The following SOX5 variants were observed in gnomAD, a reference collection of about 807,000 sequenced individuals.
SOX5 encodes the protein SRY-box transcription factor 5.
Under a neutral mutation model 92.0 loss-of-function variants are expected in SOX5, and 9 were observed. The observed-to-expected ratio is 0.10, with a 90% CI of 0.06 to 0.17. The LOEUF (loss-of-function observed/expected upper bound fraction) is 0.17, where lower values mean the gene tolerates loss of function less well. SOX5 is among the 10% of genes least tolerant of loss of function. The pLI is 1.00. For synonymous variants in SOX5, 344 were observed against 336.3 expected, an observed-to-expected ratio of 1.02 and a Z score of -0.25; for missense variants, 642 against 944.5, an observed-to-expected ratio of 0.68 and a Z score of 4.20.
chr12:23,829,723 GACAA>G (rs2096284606), intron 3 of SOX5, among the ~76,000 whole-genome samples: 1 of 152,104 alleles, frequency 6.6e-6, no homozygotes, highest in Admixed American at 6.6e-5. Flanking sequence ...CCTGATAGTA[GACAA>G]ACTAATGTAT....
chr12:24,537,311 C>T (rs1174170311), intron 1 of SOX5, among the ~76,000 whole-genome samples: 1 of 152,126 alleles, frequency 6.6e-6, no homozygotes, highest in African/African-American at 2.4e-5. Flanking sequence ...GGATCCTAGC[C>T]AAATTTCATA....
chr12:24,266,240 T>C (rs1943007895), intron 3 of SOX5, among the ~76,000 whole-genome samples: 1 of 151,956 alleles, frequency 6.6e-6, no homozygotes, highest in African/African-American at 2.4e-5. Flanking sequence ...AATAAACAGG[T>C]TTTCAGTTTT....
At chr12:23,845,038 C>G (rs1568284368) in intron 3 of SOX5, among the ~76,000 whole-genome samples, 1 of 152,224 alleles carries the variant, frequency 6.6e-6, no homozygotes, top group Non-Finnish European at 1.5e-5. Context: ...TTAATTGTCA[C>G]ATGGCTGTCA....
chr12:24,164,564 TG>T (rs1953164196), intron 4 of SOX5, among the ~76,000 whole-genome samples: 1 of 152,098 alleles, frequency 6.6e-6, no homozygotes, highest in Admixed American at 6.6e-5. Context: ...CTAATCACTC[TG>T]GTGTCCCTGA....
At chr12:23,739,644 C>T (rs1161640532) in intron 5 of SOX5, among the ~76,000 whole-genome samples, 1 of 152,134 alleles carries the variant, frequency 6.6e-6, no homozygotes, top group African/African-American at 2.4e-5. Flanking sequence ...CAAAGATCTA[C>T]CCTTAGTTCC....
intron 11 of SOX5, among the ~76,000 whole-genome samples, chr12:23,555,343 G>A (rs1030771811): frequency 6.6e-6 from 1 of 151,880 alleles, no homozygotes; most frequent in South Asian, 2.1e-4. Context: ...GCCCAATTTG[G>A]CATGCCCTAT....
At chr12:23,677,369 G>C (rs1166028072) in intron 6 of SOX5, among the ~76,000 whole-genome samples, 3 of 152,162 alleles carry the variant, frequency 2.0e-5, no homozygotes, top group Non-Finnish European at 2.9e-5. Flanking sequence ...CATATGAAAT[G>C]AATGTAAGCT....
intron 4 of SOX5, among the ~76,000 whole-genome samples, chr12:24,197,256 A>T (rs1232453140): frequency 6.6e-6 from 1 of 152,208 alleles, no homozygotes; most frequent in Non-Finnish European, 1.5e-5. Context: ...TATTTGCTGA[A>T]GACTCTATAT....
intron 1 of SOX5, among the ~76,000 whole-genome samples, chr12:24,445,474 T>A (rs931461083): frequency 1.3e-5 from 2 of 152,198 alleles, no homozygotes; most frequent in Non-Finnish European, 2.9e-5. Context: ...GACTTTTGAA[T>A]ACTAAGACCA....
chr12:23,662,033 T>C (rs926102364), intron 7 of SOX5, among the ~76,000 whole-genome samples: 3 of 152,194 alleles, frequency 2.0e-5, no homozygotes, highest in Admixed American at 6.6e-5. Context: ...CTAATTTTTT[T>C]CTTTCCCTGA....
chr12:24,261,350 T>C (rs1366395493), intron 3 of SOX5, among the ~76,000 whole-genome samples: 1 of 152,158 alleles, frequency 6.6e-6, no homozygotes, highest in African/African-American at 2.4e-5. Context: ...TAGCAAAGGA[T>C]CACTCCACTG....
intron 4 of SOX5, among the ~76,000 whole-genome samples, chr12:24,178,009 T>C (rs935643316): frequency 2.0e-5 from 3 of 152,204 alleles, no homozygotes; most frequent in Non-Finnish European, 4.4e-5. Flanking sequence ...CAGTGTGTCA[T>C]TGCTACCACT....
chr12:23,867,167 T>C lies in SOX5; in HGVS notation c.271-20974A>G, dbSNP rs1327555469. 2.6e-5 allele frequency among the ~76,000 whole-genome samples: 4 copies of C among 152,130 alleles called. No individual in the cohort carries two copies. The South Asian group carries it at 8.3e-4, about 31-fold the overall frequency. Reference sequence around the variant, plus strand: ...ATTTACAATTTCAAATCTCATCTCATATACACAGGTAAGTCTCACATTTCC... The same window carrying C: ...ATTTACAATTTCAAATCTCATCTCACATACACAGGTAAGTCTCACATTTCC... On this transcript the variant is annotated intron_variant, in intron 2 of 14. Transcript: ENST00000451604.
At chr12:24,004,256 AT>A (rs1474224444) in intron 4 of SOX5, among the ~76,000 whole-genome samples, 4 of 151,954 alleles carry the variant, frequency 2.6e-5, no homozygotes, top group African/African-American at 9.7e-5. Flanking sequence ...ACACACGCAC[AT>A]AAAAACAACT....
In SOX5 at chr12:23,870,893, C is replaced by T. The variant is rs544764338; in HGVS notation, c.271-24700G>A. On this transcript the variant is annotated intron_variant, in intron 2 of 14. Coordinates refer to ENST00000451604, the MANE Select transcript of SOX5 (RefSeq NM_006940.6). ...TTTTTCTTCTTCTTCAATAGTTCTG[C>T]ATAAATGAGACACTTCACTCACTAA... Among the ~76,000 whole-genome samples the T allele has an allele frequency of 3.2e-3, 479 of 151,980 alleles. 2 individuals carry two copies. The highest frequency in any genetic ancestry group is 0.01 in the Middle Eastern group (3 of 294).
chr12:23,915,858 G>GACTT lies in SOX5; in HGVS notation c.39-19838_39-19835dup, dbSNP rs574493842. ...AGTGGTTCCCTCATTCTATGTGCAG[G>GACTT]ACTTAAGACTTCCAGACAAAGAAAT... On this transcript the variant is annotated intron_variant, in intron 1 of 14. Coordinates refer to ENST00000451604, the MANE Select transcript of SOX5 (RefSeq NM_006940.6). 1.6e-3 allele frequency among the ~76,000 whole-genome samples: 250 copies of GACTT among 152,230 alleles called. 1 individual carries two copies. In the Middle Eastern group the frequency reaches 0.017, roughly 10 times the overall value.
intron 4 of SOX5, among the ~76,000 whole-genome samples, chr12:24,068,448 GA>G (rs1383841207): frequency 4.6e-5 from 7 of 151,750 alleles, no homozygotes; most frequent in Non-Finnish European, 8.8e-5. Context: ...GTTATATTTG[GA>G]AGTAATTAGC....
chr12:24,298,923 CAA>C (rs1947633950), intron 2 of SOX5, among the ~76,000 whole-genome samples: 1 of 151,456 alleles, frequency 6.6e-6, no homozygotes, highest in Non-Finnish European at 1.5e-5. Context: ...TAAAATATCA[CAA>C]AGAGTTTTCA....
chr12:24,339,163 CCACACACACA>C (rs56243419), intron 2 of SOX5, among the ~76,000 whole-genome samples: 145 of 140,468 alleles, frequency 1.0e-3, no homozygotes, highest in Non-Finnish European at 1.9e-3. Flanking sequence ...TCTCTCTCTG[CCACACACACA>C]CACACACACA....
Sources: gnomAD v4.1 joint callset for allele counts (sites outside exome capture counted in the v4.1 genomes callset) on GRCh38, gnomAD v4.1.1 for gene constraint, MANE v1.5 for transcripts, NCBI Gene and HGNC (gene_info 2026-07-23, HGNC 2026-07-21) for gene names.